Variants in TXLNB observed in about 807,000 individuals in gnomAD.
TXLNB encodes beta-taxilin.
TXLNB carries 37 observed loss-of-function variants against 57.4 expected under a neutral mutation model. That is an observed-to-expected ratio of 0.64 (90% CI 0.50 to 0.85). TXLNB has a LOEUF of 0.85. TXLNB is among the 40% of genes least tolerant of loss of function. The pLI is 0.00. For synonymous variants in TXLNB, 302 were observed against 309.6 expected (o/e 0.98, Z 0.26); for missense variants, 848 against 825.6 (o/e 1.03, Z -0.33).
chr6:139,185,736 C>T, the TXLNB span, among the ~76,000 whole-genome samples: 2 of 152,118 alleles, frequency 1.3e-5, no homozygotes, highest in Admixed American at 6.6e-5. Context: ...TAGAGTCATA[C>T]TGGGTTAAGG....
the TXLNB span, among the ~76,000 whole-genome samples, chr6:139,220,355 T>C: frequency 6.6e-6 from 1 of 152,252 alleles, no homozygotes; most frequent in Non-Finnish European, 1.5e-5. Context: ...AATTTCTATT[T>C]AATTCAAACT....
intron 2 of TXLNB, among the ~76,000 whole-genome samples, chr6:139,287,544 C>T (rs997924605): frequency 1.3e-5 from 2 of 152,154 alleles, no homozygotes; most frequent in Non-Finnish European, 2.9e-5. Context: ...TTGATAGATT[C>T]TCCATCTAGC....
the TXLNB span, among the ~76,000 whole-genome samples, chr6:139,160,142 C>G: frequency 6.6e-6 from 1 of 152,148 alleles, no homozygotes; most frequent in African/African-American, 2.4e-5. Context: ...GATTTTTGCC[C>G]AGAATCACAT....
the TXLNB span, among the ~76,000 whole-genome samples, chr6:139,191,846 C>T: frequency 1.3e-5 from 2 of 152,218 alleles, no homozygotes; most frequent in East Asian, 1.9e-4. Flanking sequence ...TGGAAAAGGG[C>T]GCACTTGGCC....
chr6:139,275,442 G>A (rs1169239396), intron 3 of TXLNB, among the ~76,000 whole-genome samples: 10 of 152,130 alleles, frequency 6.6e-5, no homozygotes, highest in African/African-American at 9.7e-5. Flanking sequence ...AAAAGAATAT[G>A]CATAGAACAA....
chr6:139,321,872 TC>T, the TXLNB span, among the ~76,000 whole-genome samples: 1 of 152,142 alleles, frequency 6.6e-6, no homozygotes, highest in African/African-American at 2.4e-5. Flanking sequence ...GACCTCGTGA[TC>T]CGCCTGCCTC....
chr6:139,198,657 C>A, the TXLNB span, among the ~76,000 whole-genome samples: 2 of 152,166 alleles, frequency 1.3e-5, no homozygotes, highest in Non-Finnish European at 2.9e-5. Flanking sequence ...TGGCAGGAGA[C>A]CAATGCAGGA....
rs1161354338 is a variant in TXLNB, at chr6:139,270,632, C to T, written c.517-6G>A. The T allele has an allele frequency of 6.2e-7, 1 of 1,613,034 alleles. No homozygotes were observed. The highest frequency in any genetic ancestry group is 1.3e-5 in the African/African-American group (1 of 74,802). On this transcript the variant is annotated splice_region_variant and splice_polypyrimidine_tract_variant and intron_variant, in intron 3 of 9. Coordinates refer to ENST00000358430, the MANE Select transcript of TXLNB (RefSeq NM_153235.4). ...TCAGTACGATGTTCATCCAGCTGTACACATGGAGATACAAACATGAAAGAA... is the reference window on the plus strand; with the variant it reads ...TCAGTACGATGTTCATCCAGCTGTATACATGGAGATACAAACATGAAAGAA...
the TXLNB span, among the ~76,000 whole-genome samples, chr6:139,208,095 G>C: frequency 6.6e-6 from 1 of 151,902 alleles, no homozygotes; most frequent in Non-Finnish European, 1.5e-5. Flanking sequence ...AAAAGAGAGA[G>C]AGAGAGAAAC....
the TXLNB span, among the ~76,000 whole-genome samples, chr6:139,184,130 A>G: frequency 6.6e-6 from 1 of 152,192 alleles, no homozygotes; most frequent in South Asian, 2.1e-4. Context: ...TTTGTCTCCT[A>G]CGAGGTTGGG....
chr6:139,243,306 C>T lies in TXLNB; in HGVS notation c.1275G>A (p.Leu425=), dbSNP rs753344198. ...ALLDMIEEKA[L]RAKEYECFVM... ...CAAAGCACTCATATTCTTTAGCTCT[C>T]AGTGCTTTCTGTGATGTGAAAACAC... Residue 425 remains leucine (L), a synonymous_variant, in exon 10 of 10, where the codon CTG becomes CTA. Coordinates refer to ENST00000358430, the MANE Select transcript of TXLNB (RefSeq NM_153235.4). 6.2e-7 allele frequency: 1 copy of T among 1,607,608 alleles called. No homozygotes were observed. The highest frequency in any genetic ancestry group is 1.1e-5 in the South Asian group (1 of 90,834).
intron 2 of TXLNB, among the ~76,000 whole-genome samples, chr6:139,277,509 G>A (rs528439761): frequency 2.0e-4 from 30 of 152,122 alleles, no homozygotes; most frequent in East Asian, 1.3e-3. Context: ...ATTCCCTGGC[G>A]TTGGAGTGGG....
the TXLNB span, among the ~76,000 whole-genome samples, chr6:139,188,556 T>C: frequency 6.6e-6 from 1 of 152,232 alleles, no homozygotes; most frequent in Admixed American, 6.5e-5. Context: ...AGCATTTGAC[T>C]TATAAGGTTT....
At chr6:139,245,073 C>T (rs1776039237) in intron 8 of TXLNB, among the ~76,000 whole-genome samples, 1 of 152,150 alleles carries the variant, frequency 6.6e-6, no homozygotes, top group South Asian at 2.1e-4. Context: ...GCCTTTTTAG[C>T]CATTAAAATG....
chr6:139,319,665 G>T, the TXLNB span, among the ~76,000 whole-genome samples: 1 of 152,104 alleles, frequency 6.6e-6, no homozygotes, highest in Non-Finnish European at 1.5e-5. Context: ...TTGGGAGGCT[G>T]AGGCAGGAGG....
chr6:139,284,643 C>A (rs6929173), intron 2 of TXLNB, among the ~76,000 whole-genome samples: 33,612 of 145,070 alleles, frequency 0.23, 8,248 homozygotes, highest in African/African-American at 0.47. Context: ...TGGGAGATGG[C>A]GTATAGCATG....
the TXLNB span, chr6:139,174,366 T>G: frequency 6.2e-7 from 1 of 1,607,904 alleles, no homozygotes; most frequent in South Asian, 1.1e-5. Flanking sequence ...ACTCAGAGCC[T>G]TGTGTCTTCT....
At chr6:139,166,262 T>TA in the TXLNB span, 1 of 1,558,084 alleles carries the variant, frequency 6.4e-7, no homozygotes, top group Non-Finnish European at 8.7e-7. Context: ...TGAAATCTGT[T>TA]CTCTCTTTAT....
chr6:139,214,758 T>C, the TXLNB span, among the ~76,000 whole-genome samples: 3 of 152,210 alleles, frequency 2.0e-5, no homozygotes, highest in Non-Finnish European at 4.4e-5. Flanking sequence ...CTCCTTAAGC[T>C]GATAAGCAAC....
Sources: allele counts gnomAD v4.1 joint callset (sites outside exome capture counted in the v4.1 genomes callset), GRCh38; gene constraint gnomAD v4.1.1; transcripts MANE v1.5; gene names NCBI Gene and HGNC (gene_info 2026-07-23, HGNC 2026-07-21).